The following NECTIN3 variants were observed in gnomAD, a reference collection of about 807,000 sequenced individuals.
NECTIN3 encodes nectin cell adhesion molecule 3, also known as nectin-3.
Under a neutral mutation model 49.4 loss-of-function variants are expected in NECTIN3, and 8 were observed. That is an observed-to-expected ratio of 0.16 (90% confidence interval 0.10 to 0.29). The LOEUF is 0.29. NECTIN3 is among the 10% of genes least tolerant of loss of function. NECTIN3 has a pLI of 1.00. For synonymous variants in NECTIN3, 277 were observed against 241.1 expected (o/e 1.15, Z -1.38); for missense variants, 581 against 654.6 (o/e 0.89, Z 1.23).
At chr3:111,173,446 CCA>C in intron 7 of NECTIN3, among the ~76,000 whole-genome samples, 1 of 152,308 alleles carries the variant, frequency 6.6e-6, no homozygotes, top group African/African-American at 2.4e-5. Context: ...ACCTTCTGCT[CCA>C]CCTCCCTGAA....
At chr3:111,159,822 C>G (rs1292331434) in intron 7 of NECTIN3, among the ~76,000 whole-genome samples, 1 of 152,178 alleles carries the variant, frequency 6.6e-6, no homozygotes, top group African/African-American at 2.4e-5. Flanking sequence ...TGATTATGAT[C>G]TCTGTAATTT....
intron 5 of NECTIN3, 38 bp downstream of exon 5, chr3:111,126,373 A>C: frequency 6.0e-6 from 9 of 1,501,764 alleles, no homozygotes; most frequent in Non-Finnish European, 8.2e-6. Flanking sequence ...GTTATTTAAA[A>C]TATTTCTGAA....
intron 5 of NECTIN3, among the ~76,000 whole-genome samples, chr3:111,129,855 G>A (rs2034312880): frequency 6.6e-6 from 1 of 151,710 alleles, no homozygotes; most frequent in Non-Finnish European, 1.5e-5. Context: ...TCACCGTGTT[G>A]CCCAGGCTGG....
intron 1 of NECTIN3, among the ~76,000 whole-genome samples, chr3:111,082,123 G>A (rs1217284005): frequency 6.6e-6 from 1 of 152,190 alleles, no homozygotes; most frequent in Non-Finnish European, 1.5e-5. Flanking sequence ...GGATATCATT[G>A]TGGGTAAGGA....
chr3:111,173,360 G>A lies in NECTIN3; in HGVS notation c.1222-18991G>A, dbSNP rs72937958. On this transcript the variant is annotated intron_variant, in intron 7 of 8. Transcript: ENST00000493615. ...CTGGATCTTTTACCTGTAATCATAC[G>A]TGATTTTTTCAGTCAAGATCCTCTG... is the stretch of plus-strand genomic sequence containing the variant. Among the ~76,000 whole-genome samples the A allele has an allele frequency of 9.1e-3, 1,382 of 152,198 alleles. 19 individuals are homozygous for A. Among genetic ancestry groups the A allele is most frequent in the African/African-American group, 0.032 (1,317 of 41,528 alleles).
chr3:111,155,959 T>C (rs1257009767), intron 7 of NECTIN3, among the ~76,000 whole-genome samples: 4 of 152,172 alleles, frequency 2.6e-5, no homozygotes, highest in Admixed American at 1.3e-4. Context: ...ATTGATACCC[T>C]CCTTATATAT....
intron 1 of NECTIN3, chr3:111,072,567 C>CTG: frequency 2.0e-6 from 3 of 1,535,472 alleles, no homozygotes; most frequent in Non-Finnish European, 2.6e-6. Context: ...GAAACTTGAG[C>CTG]TGTGAGCCCA....
chr3:111,190,839 T>A (rs1397672681), upstream of NECTIN3, among the ~76,000 whole-genome samples: 1 of 152,194 alleles, frequency 6.6e-6, no homozygotes, highest in Non-Finnish European at 1.5e-5. Context: ...CATTAGGGAC[T>A]ATAAAACAAG....
intron 3 of NECTIN3, among the ~76,000 whole-genome samples, chr3:111,119,298 A>G (rs367886423): frequency 2.0e-5 from 3 of 152,150 alleles, no homozygotes; most frequent in Non-Finnish European, 2.9e-5. Context: ...AGTTTCACCA[A>G]TGCTCACCAT....
chr3:111,151,933 T>C (rs2035007693), intron 7 of NECTIN3, among the ~76,000 whole-genome samples: 2 of 151,696 alleles, frequency 1.3e-5, no homozygotes, highest in Non-Finnish European at 3.0e-5. Context: ...GCACTGTTTC[T>C]TTAAGCATAG....
chr3:111,156,268 A>G (rs1559811670), intron 7 of NECTIN3, among the ~76,000 whole-genome samples: 2 of 152,202 alleles, frequency 1.3e-5, no homozygotes, highest in East Asian at 1.9e-4. Flanking sequence ...TTTTGAATCT[A>G]TTCAGATGCC....
At chr3:111,149,399 A>G (rs758556128) in intron 7 of NECTIN3, among the ~76,000 whole-genome samples, 2 of 151,590 alleles carry the variant, frequency 1.3e-5, no homozygotes, top group Admixed American at 6.6e-5. Context: ...AGAATTGACA[A>G]CTTTACAATA....
At chr3:111,176,634 T>G (rs2035533681) in intron 7 of NECTIN3, among the ~76,000 whole-genome samples, 1 of 152,202 alleles carries the variant, frequency 6.6e-6, no homozygotes, top group Non-Finnish European at 1.5e-5. Flanking sequence ...GTTATTTTCC[T>G]TCAGAAGGAG....
chr3:111,113,510 A>C (rs116108613), intron 2 of NECTIN3, among the ~76,000 whole-genome samples: 1,557 of 152,140 alleles, frequency 0.01, 31 homozygotes, highest in African/African-American at 0.035. Flanking sequence ...TTTATTATAT[A>C]TTTTTTCATG....
chr3:111,156,273 G>T (rs2035097008), intron 7 of NECTIN3, among the ~76,000 whole-genome samples: 1 of 152,026 alleles, frequency 6.6e-6, no homozygotes, highest in African/African-American at 2.4e-5. Context: ...AATCTATTCA[G>T]ATGCCTTAAA....
chr3:111,190,219 A>G (rs1227420389), upstream of NECTIN3, among the ~76,000 whole-genome samples: 1 of 152,192 alleles, frequency 6.6e-6, no homozygotes, highest in African/African-American at 2.4e-5. Flanking sequence ...ACCAGTGTGT[A>G]CTGTTAATAT....
chr3:111,135,687 T>C lies in NECTIN3; in HGVS notation c.*1472T>C. The C allele has an allele frequency of 4.2e-6, 4 of 960,478 alleles. No individual in the cohort carries two copies. Among genetic ancestry groups the C allele is most frequent in the Non-Finnish European group, 5.0e-6 (4 of 807,424 alleles). The allele number at this position is 960,478 out of a possible 1,614,324, so 59.5% of individuals were successfully genotyped here. A position where few individuals can be genotyped will look rare whatever the true frequency, so the allele number is the denominator to read the frequency against. On this transcript the variant is annotated 3_prime_UTR_variant, in exon 6 of 6. Coordinates refer to ENST00000485303, the MANE Select transcript of NECTIN3 (RefSeq NM_015480.3). ...TAAAAAGGCAAAGTAGTAGGTACTT[T>C]TTAAACCCTCCCAACCAGCCCTTTC...
intron 1 of NECTIN3, chr3:111,192,450 G>C: frequency 4.7e-6 from 7 of 1,484,794 alleles, no homozygotes; most frequent in Non-Finnish European, 6.4e-6. Flanking sequence ...CCCAGGTGGA[G>C]CTGGTAGCTA....
intron 1 of NECTIN3, among the ~76,000 whole-genome samples, chr3:111,086,102 G>A (rs1337744112): frequency 6.6e-6 from 1 of 152,142 alleles, no homozygotes; most frequent in Non-Finnish European, 1.5e-5. Flanking sequence ...CTTTTGTGAA[G>A]TGCCTGTTCA....
Sources: allele counts gnomAD v4.1 joint callset (sites outside exome capture counted in the v4.1 genomes callset), GRCh38; gene constraint gnomAD v4.1.1; transcripts MANE v1.5; gene names NCBI Gene and HGNC (gene_info 2026-07-23, HGNC 2026-07-21).